Variants in SEMA6A observed in about 807,000 individuals in gnomAD.
SEMA6A encodes the protein semaphorin-6A.
SEMA6A carries 25 observed loss-of-function variants against 96.8 expected under a neutral mutation model. That is an observed-to-expected ratio of 0.26 (90% CI 0.19 to 0.36). SEMA6A has a LOEUF of 0.36. Among genes scored for constraint, SEMA6A ranks in the 10% least tolerant of loss-of-function variants. The probability of loss-of-function intolerance (pLI) is 1.00; values close to 1 mark genes in which losing one functional copy is unlikely to be tolerated. For synonymous variants in SEMA6A, 612 were observed against 518.0 expected, an observed-to-expected ratio of 1.18 and a Z score of -2.46; for missense variants, 1,363 against 1,323.1, an observed-to-expected ratio of 1.03 and a Z score of -0.47.
At chr5:116,565,102 G>C (rs1358792258) in intron 1 of SEMA6A, among the ~76,000 whole-genome samples, 1 of 152,206 alleles carries the variant, frequency 6.6e-6, no homozygotes, top group Admixed American at 6.5e-5. Context: ...GTTGAAATAT[G>C]AAAGTGACAT....
At chr5:116,456,865 C>T (rs957909425) in intron 18 of SEMA6A, among the ~76,000 whole-genome samples, 1 of 152,192 alleles carries the variant, frequency 6.6e-6, no homozygotes, top group African/African-American at 2.4e-5. Context: ...AGCTATTAAG[C>T]AACGTTTGAG....
At chr5:116,464,339 G>A (rs984447265) in intron 18 of SEMA6A, among the ~76,000 whole-genome samples, 6 of 152,144 alleles carry the variant, frequency 3.9e-5, no homozygotes, top group African/African-American at 1.4e-4. Context: ...AGTTGGCTGT[G>A]TTTTTACTAA....
intron 18 of SEMA6A, among the ~76,000 whole-genome samples, chr5:116,460,877 C>T (rs1755352931): frequency 6.6e-6 from 1 of 151,424 alleles, no homozygotes; most frequent in South Asian, 2.1e-4. Flanking sequence ...CCTCCACCTC[C>T]CTGGTTCAAG....
intron 16 of SEMA6A, 95 bp from the exon 17 acceptor site, chr5:116,473,188 C>G: frequency 8.3e-7 from 1 of 1,209,226 alleles, no homozygotes; most frequent in Non-Finnish European, 1.2e-6. Flanking sequence ...AGAACTATGC[C>G]AGCGTATGGT....
intron 1 of SEMA6A, among the ~76,000 whole-genome samples, chr5:116,556,950 C>A (rs917789567): frequency 6.6e-6 from 1 of 152,202 alleles, no homozygotes; most frequent in Non-Finnish European, 1.5e-5. Flanking sequence ...ACTCTCCCCA[C>A]TTTCTGCAGA....
intron 18 of SEMA6A, among the ~76,000 whole-genome samples, chr5:116,452,833 G>A (rs1015216140): frequency 6.6e-6 from 1 of 152,122 alleles, no homozygotes; most frequent in African/African-American, 2.4e-5. Context: ...ACAAGGTTTT[G>A]GCTCCAAGCA....
At chr5:116,507,610 G>A (rs1580452100) in intron 1 of SEMA6A, among the ~76,000 whole-genome samples, 2 of 152,304 alleles carry the variant, frequency 1.3e-5, no homozygotes, top group East Asian at 3.9e-4. Context: ...CTACCCACAT[G>A]TAGCATATTT....
Position 116,486,755 on chromosome 5 carries a change from T to C in SEMA6A, c.956A>G (p.Tyr319Cys), listed in dbSNP as rs368502693. The C allele has an allele frequency of 2.5e-5, 40 of 1,613,144 alleles. No individual in the cohort carries two copies. In the African/African-American group the frequency reaches 4.3e-4, roughly 17 times the overall value. ...ACAGCTAGGGCATGATTACCTGTTA[T>C]AAGGTGTAGAAAACGTTGCCAGGAC... ...DVVLATFSTP[Y>C]NSIPGSAVCA... Residue 319 changes from tyrosine to cysteine, a missense_variant, in exon 10 of 19, where the codon TAT becomes TGT. Coordinates refer to ENST00000343348, the MANE Select transcript of SEMA6A (RefSeq NM_020796.5).
At position 116,467,605 on chromosome 5, in the gene SEMA6A, G is replaced by A. The variant is rs945412066; in HGVS notation, c.1872C>T (p.Ser624=). ...DSTDPLGAVS[S]HNHQDKKGVI... ...TACCCTTCTTGTCTTGGTGATTATG[G>A]GAAGACACTGCCCCCAAAGGGTCTG... is the stretch of plus-strand genomic sequence containing the variant. The change falls in exon 18 of 19, where the codon TCC becomes TCT. Residue 624 remains serine (S), a synonymous_variant. Transcript: ENST00000343348. 4.3e-6 allele frequency: 7 copies of A among 1,612,976 alleles called. No homozygotes were observed. The highest frequency in any genetic ancestry group is 5.1e-6 in the Non-Finnish European group (6 of 1,179,608).
chr5:116,496,202 A>G (rs942994581), intron 5 of SEMA6A, 49 bp downstream of exon 5: 3 of 1,523,774 alleles, frequency 2.0e-6, no homozygotes, highest in Non-Finnish European at 2.7e-6. Context: ...GATAACAGTC[A>G]AAAACTTAAC....
At chr5:116,490,881 C>T (rs1294694637) in intron 7 of SEMA6A, among the ~76,000 whole-genome samples, 6 of 152,344 alleles carry the variant, frequency 3.9e-5, no homozygotes, top group African/African-American at 1.4e-4. Flanking sequence ...TCCACATACA[C>T]AGCTGGTAAT....
At chr5:116,464,191 G>A (rs1755586131) in intron 18 of SEMA6A, among the ~76,000 whole-genome samples, 1 of 152,104 alleles carries the variant, frequency 6.6e-6, no homozygotes, top group African/African-American at 2.4e-5. Context: ...GTTATAGGAG[G>A]AATAAATAAT....
chr5:116,467,096 C>G (rs937258386), intron 18 of SEMA6A, among the ~76,000 whole-genome samples: 7 of 152,124 alleles, frequency 4.6e-5, no homozygotes, highest in Non-Finnish European at 1.0e-4. Context: ...GAACATGGCT[C>G]TATTCAAATT....
rs929131824 is a variant in SEMA6A at position 116,454,812 on chromosome 5, A to G, written c.1895-7001T>C. 6.3e-5 allele frequency among the ~76,000 whole-genome samples: 9 copies of G among 141,960 alleles called. No homozygotes were observed. In the East Asian group the frequency reaches 8.1e-4, roughly 13 times the overall value. 93.1% of individuals were successfully genotyped at this position (141,960 alleles called of 152,430 possible). On this transcript the variant is annotated intron_variant, in intron 18 of 18. Transcript: ENST00000343348. Reference sequence around the variant, plus strand: ...TAAGTGTGTGTGTGTGTGTGTGTGCATGTGTGTGTGCGCGTGTGTGTGTAT... The same window carrying G: ...TAAGTGTGTGTGTGTGTGTGTGTGCGTGTGTGTGTGCGCGTGTGTGTGTAT...
chr5:116,478,224 C>A, intron 13 of SEMA6A, 70 bp from the exon 14 acceptor site: 1 of 1,536,462 alleles, frequency 6.5e-7, no homozygotes, highest in East Asian at 2.4e-5. Flanking sequence ...CCTCACATCC[C>A]ACTTCCCAGC....
Position 116,447,225 on chromosome 5 carries a change from A to T in SEMA6A, c.2481T>A (p.His827Gln), listed in dbSNP as rs764124135. 1.4e-5 allele frequency: 22 copies of T among 1,614,012 alleles called. No individual in the cohort carries two copies. Among genetic ancestry groups the T allele is most frequent in the Non-Finnish European group, 1.9e-5 (22 of 1,179,886 alleles). Reference protein sequence around the residue: ...VLPITQQGYQHEYVDQPKMSE... With the variant: ...VLPITQQGYQQEYVDQPKMSE... ...TCATTTTGGGCTGGTCCACGTACTC[A>T]TGCTGGTAGCCCTGCTGCGTGATGG... Residue 827 changes from histidine to glutamine, a missense_variant, in exon 19 of 19, where the codon CAT (histidine) becomes CAA (glutamine). His to Gln is a conservative substitution (Grantham distance 24, BLOSUM62 0). Around this residue, in one of 2 missense-constraint regions of SEMA6A, gnomAD observed 883 missense variants for 763.6 expected, o/e 1.16. Transcript: ENST00000343348.
chr5:116,488,461 A>T lies in SEMA6A; in HGVS notation c.656-265T>A, dbSNP rs866526220. On this transcript the variant is annotated intron_variant, in intron 8 of 18. Transcript: ENST00000343348. ...GCATATCTCTGTAATTTTATTTTCC[A>T]CAATGGAATGCCCCTATTACAGAGA... Among the ~76,000 whole-genome samples the T allele has an allele frequency of 5.9e-5, 9 of 152,318 alleles. No individual in the cohort carries two copies. The South Asian group carries it at 1.7e-3, about 28-fold the overall frequency.
At chr5:116,490,989 T>C (rs1757299607) in intron 7 of SEMA6A, among the ~76,000 whole-genome samples, 1 of 152,140 alleles carries the variant, frequency 6.6e-6, no homozygotes, top group Non-Finnish European at 1.5e-5. Flanking sequence ...TCTTTATATC[T>C]TTTGCAGTGG....
intron 1 of SEMA6A, among the ~76,000 whole-genome samples, chr5:116,572,302 C>A (rs1423034594): frequency 6.6e-6 from 1 of 152,152 alleles, no homozygotes. Context: ...AAAAGCTGAG[C>A]GTAAAAAAAG....
Sources: gnomAD v4.1 joint callset for allele counts (sites outside exome capture counted in the v4.1 genomes callset) on GRCh38, gnomAD v4.1.1 for gene constraint, gnomAD v4.1.1 regional missense constraint, MANE v1.5 for transcripts, NCBI Gene and HGNC (gene_info 2026-07-23, HGNC 2026-07-21) for gene names.